SGCG: variants seen among roughly 807,000 people sequenced by gnomAD.
SGCG encodes sarcoglycan gamma, also known as gamma-sarcoglycan.
A neutral mutation model predicts 29.3 loss-of-function variants in SGCG; 26 were observed. The ratio of observed to expected loss-of-function variants is 0.89; its 90% confidence interval spans 0.65 to 1.23. The LOEUF (loss-of-function observed/expected upper bound fraction) is 1.23, where lower values mean the gene tolerates loss of function less well. Among genes scored for constraint, SGCG ranks in the 50% most tolerant of loss-of-function variants. SGCG has a pLI of 0.00. For missense variants in SGCG, 353 were observed against 356.0 expected, an observed-to-expected ratio of 0.99 and a Z score of 0.07; for synonymous variants, 145 against 129.7, an observed-to-expected ratio of 1.12 and a Z score of -0.80.
chr13:23,201,902 C>G (rs994780271), intron 1 of SGCG, among the ~76,000 whole-genome samples: 2 of 152,136 alleles, frequency 1.3e-5, no homozygotes, highest in African/African-American at 4.8e-5. Context: ...AATTCTGGAG[C>G]CATTATTTCA....
chr13:23,279,437 A>G lies in SGCG; in HGVS notation c.464A>G (p.Glu155Gly). The change falls in exon 5 of 8, where the codon GAG becomes GGG. Residue 155 changes from glutamate to glycine, a missense_variant. Glu to Gly is a moderately conservative substitution (Grantham distance 98). Transcript: ENST00000218867. The stretch of plus-strand genomic sequence containing the variant: ...GGCAAGCCACTATTTACTGTAGATG[A>G]GAAGGAAGTTGTGGTTGGTACAGAT... ...NDGKPLFTVDEKEVVVGTDKL... is the reference protein window; with the variant it reads ...NDGKPLFTVDGKEVVVGTDKL... The G allele has an allele frequency of 6.2e-7, 1 of 1,613,478 alleles. No individual in the cohort carries two copies. Among genetic ancestry groups the G allele is most frequent in the Non-Finnish European group, 8.5e-7 (1 of 1,179,484 alleles).
At chr13:23,277,142 T>G (rs1881108955) in intron 4 of SGCG, among the ~76,000 whole-genome samples, 1 of 152,192 alleles carries the variant, frequency 6.6e-6, no homozygotes, top group South Asian at 2.1e-4. Flanking sequence ...GAAAAAAAAT[T>G]GTCACAGTTC....
chr13:23,196,931 G>A (rs1877535889), intron 1 of SGCG, among the ~76,000 whole-genome samples: 1 of 152,166 alleles, frequency 6.6e-6, no homozygotes, highest in Non-Finnish European at 1.5e-5. Flanking sequence ...CCCAATACTA[G>A]CATAACATAG....
intron 6 of SGCG, among the ~76,000 whole-genome samples, chr13:23,295,818 T>C (rs900348401): frequency 3.0e-4 from 45 of 152,178 alleles, no homozygotes; most frequent in African/African-American, 1.0e-3. Flanking sequence ...ACATCAGCCA[T>C]AGGAAAATCC....
Position 23,261,536 on chromosome 13 carries a change from T to C in SGCG, c.385+10819T>C, listed in dbSNP as rs144925472. On this transcript the variant is annotated intron_variant, in intron 4 of 7. Coordinates refer to ENST00000218867, the MANE Select transcript of SGCG (RefSeq NM_000231.3). Reference sequence around the variant, plus strand: ...TGTAAAACAACCAAACTAACAATCTTAGGTGTCCTGAGAGAAAAGAAAAAA... The same window carrying C: ...TGTAAAACAACCAAACTAACAATCTCAGGTGTCCTGAGAGAAAAGAAAAAA... 6.1e-4 allele frequency among the ~76,000 whole-genome samples: 93 copies of C among 152,202 alleles called. 1 individual carries two copies. Among genetic ancestry groups the C allele is most frequent in the African/African-American group, 2.2e-3 (92 of 41,558 alleles).
At chr13:23,296,356 G>T (rs538235963) in intron 6 of SGCG, among the ~76,000 whole-genome samples, 1 of 152,176 alleles carries the variant, frequency 6.6e-6, no homozygotes, top group East Asian at 1.9e-4. Context: ...AAAACCAAGT[G>T]CACAATAAAT....
intron 5 of SGCG, among the ~76,000 whole-genome samples, chr13:23,293,554 G>A (rs139786930): frequency 2.1e-4 from 32 of 152,344 alleles, no homozygotes; most frequent in African/African-American, 7.5e-4. Context: ...GGCTGGCTGG[G>A]CGCGGTGGCT....
At chr13:23,306,487 T>G (rs921252305) in intron 6 of SGCG, among the ~76,000 whole-genome samples, 1 of 152,236 alleles carries the variant, frequency 6.6e-6, no homozygotes, top group African/African-American at 2.4e-5. Flanking sequence ...TGTAGTGGTC[T>G]GAAAGTAGTC....
intron 1 of SGCG, among the ~76,000 whole-genome samples, chr13:23,192,538 C>A (rs543027842): frequency 6.6e-6 from 1 of 152,056 alleles, no homozygotes; most frequent in Admixed American, 6.6e-5. Context: ...GGATTACAGG[C>A]GCCTGCCACC....
chr13:23,298,007 A>G (rs995293280), intron 6 of SGCG, among the ~76,000 whole-genome samples: 4 of 151,668 alleles, frequency 2.6e-5, no homozygotes, highest in Non-Finnish European at 5.9e-5. Flanking sequence ...GGCCTCCCAA[A>G]GTGCTGGGAT....
At chr13:23,178,994 G>T (rs1329832481), upstream of SGCG, among the ~76,000 whole-genome samples, 1 of 152,186 alleles carries the variant, frequency 6.6e-6, no homozygotes, top group Non-Finnish European at 1.5e-5. Flanking sequence ...GTAGGACCAT[G>T]GTTGGAGCAC....
intron 1 of SGCG, 109 bp from the exon 2 acceptor site, chr13:23,203,586 G>A (rs958607675): frequency 1.3e-6 from 1 of 768,310 alleles, no homozygotes; most frequent in Non-Finnish European, 2.3e-6. Context: ...CTATGACTGG[G>A]ATGAAAAATA....
the SGCG span, among the ~76,000 whole-genome samples, chr13:23,173,883 A>G: frequency 1.3e-5 from 2 of 152,218 alleles, no homozygotes; most frequent in Non-Finnish European, 2.9e-5. Context: ...ACAGTAATAT[A>G]TCTTACTCAG....
chr13:23,323,139 G>C (rs1011754842), intron 7 of SGCG, among the ~76,000 whole-genome samples: 33 of 151,926 alleles, frequency 2.2e-4, no homozygotes, highest in Non-Finnish European at 1.3e-4. Context: ...CAGCCTGCTA[G>C]TGGAACACAG....
chr13:23,279,017 G>A (rs535611802), intron 4 of SGCG, among the ~76,000 whole-genome samples: 23 of 152,254 alleles, frequency 1.5e-4, no homozygotes, highest in African/African-American at 5.5e-4. Context: ...AAGATTCTTA[G>A]GTGGTTAATA....
In SGCG at chr13:23,183,921, C is replaced by T. The variant is rs1009391887; in HGVS notation, c.-1+2846C>T. Among the ~76,000 whole-genome samples, 36 of 152,350 alleles carry T rather than the reference C, an allele frequency of 2.4e-4. 1 individual carries two copies. The highest frequency in any genetic ancestry group is 3.4e-3 in the Middle Eastern group (1 of 294). ...GACCTCGTGATCCACCCGCCTCGGCCTCCCAAAGTGCTGGGATTACAGGCA... is the reference window on the plus strand; with the variant it reads ...GACCTCGTGATCCACCCGCCTCGGCTTCCCAAAGTGCTGGGATTACAGGCA... On this transcript the variant is annotated intron_variant, in intron 1 of 7. Coordinates refer to ENST00000218867, the MANE Select transcript of SGCG (RefSeq NM_000231.3).
chr13:23,195,946 A>G (rs964706464), intron 1 of SGCG, among the ~76,000 whole-genome samples: 15 of 152,082 alleles, frequency 9.9e-5, no homozygotes, highest in African/African-American at 3.6e-4. Flanking sequence ...GAAAAAATAC[A>G]AAAGAAATTT....
chr13:23,171,538 A>G, the SGCG span, among the ~76,000 whole-genome samples: 2 of 152,336 alleles, frequency 1.3e-5, no homozygotes, highest in South Asian at 4.1e-4. Context: ...CAAGGAGGCT[A>G]TAAGGCATCT....
intron 6 of SGCG, among the ~76,000 whole-genome samples, chr13:23,297,269 C>A (rs2137647932): frequency 6.7e-6 from 1 of 149,660 alleles, no homozygotes; most frequent in East Asian, 2.0e-4. Context: ...CTCTTGTTTG[C>A]CGAGACCAGC....
Sources: allele counts gnomAD v4.1 joint callset (sites outside exome capture counted in the v4.1 genomes callset), GRCh38; gene constraint gnomAD v4.1.1; transcripts MANE v1.5; gene names NCBI Gene and HGNC (gene_info 2026-07-23, HGNC 2026-07-21).